The following KLHL1 variants were observed in gnomAD, a reference collection of about 807,000 sequenced individuals.
The protein encoded by KLHL1 is kelch like family member 1.
A neutral mutation model predicts 77.7 loss-of-function variants in KLHL1; 47 were observed. The observed-to-expected ratio is 0.60, with a 90% CI of 0.48 to 0.77. The LOEUF (loss-of-function observed/expected upper bound fraction) is 0.77. Among genes scored for constraint, KLHL1 ranks in the 30% least tolerant of loss-of-function variants. The probability of loss-of-function intolerance (pLI) is 0.00; values close to 1 mark genes in which losing one functional copy is unlikely to be tolerated. For synonymous variants in KLHL1, 360 were observed against 325.2 expected (o/e 1.11, Z -1.15); for missense variants, 925 against 910.8 (o/e 1.02, Z -0.20).
At chr13:69,710,439 A>G (rs1875822995) in intron 9 of KLHL1, among the ~76,000 whole-genome samples, 1 of 152,052 alleles carries the variant, frequency 6.6e-6, no homozygotes, top group African/African-American at 2.4e-5. Flanking sequence ...GGTAATGCTA[A>G]TAATATTTAA....
intron 7 of KLHL1, among the ~76,000 whole-genome samples, chr13:69,741,038 T>C (rs1346764151): frequency 1.3e-5 from 2 of 152,174 alleles, no homozygotes; most frequent in Admixed American, 1.3e-4. Flanking sequence ...CAATGTAATA[T>C]TACCAATCTG....
intron 1 of KLHL1, among the ~76,000 whole-genome samples, chr13:70,079,119 C>A (rs1271504026): frequency 6.6e-6 from 1 of 152,310 alleles, no homozygotes; most frequent in Non-Finnish European, 1.5e-5. Context: ...TACTTAACTG[C>A]AGTTAATACA....
At chr13:69,998,169 T>A (rs1885203627) in intron 1 of KLHL1, among the ~76,000 whole-genome samples, 1 of 152,096 alleles carries the variant, frequency 6.6e-6, no homozygotes, top group African/African-American at 2.4e-5. Flanking sequence ...GTCTACCACT[T>A]TTGCCTCAGT....
chr13:69,975,024 G>A (rs1483651602), intron 2 of KLHL1, among the ~76,000 whole-genome samples: 1 of 151,956 alleles, frequency 6.6e-6, no homozygotes, highest in Non-Finnish European at 1.5e-5. Flanking sequence ...CGTCCATATT[G>A]TAATATTTCT....
chr13:69,836,842 C>T (rs1879010582), intron 6 of KLHL1, among the ~76,000 whole-genome samples: 1 of 149,230 alleles, frequency 6.7e-6, no homozygotes, highest in Non-Finnish European at 1.5e-5. Context: ...CCAAACAATG[C>T]TCAAGAAACT....
intron 7 of KLHL1, among the ~76,000 whole-genome samples, chr13:69,779,840 T>G (rs866055714): frequency 6.6e-6 from 1 of 152,102 alleles, no homozygotes; most frequent in Non-Finnish European, 1.5e-5. Context: ...TGAGACGGAG[T>G]CTTGCTGTTG....
rs1366626349 is a variant in KLHL1 at position 69,839,031 on chromosome 13, G to C, written c.1359C>G (p.Pro453=). Residue 453 remains proline (P), a synonymous_variant, in exon 6 of 11, where the codon CCC becomes CCG. Coordinates refer to ENST00000377844, the MANE Select transcript of KLHL1 (RefSeq NM_020866.3). ...RTLMQSPRTK[P]RKSTVGTLYA... Reference sequence around the variant, plus strand: ...ACAAAGTTCCGACTGTAGATTTTCTGGGTTTAGTTCTCGGACTTTGCATTA... The same window carrying C: ...ACAAAGTTCCGACTGTAGATTTTCTCGGTTTAGTTCTCGGACTTTGCATTA... 3 of 1,610,340 alleles carry C rather than the reference G, an allele frequency of 1.9e-6. No individual in the cohort carries two copies. In the East Asian group the frequency reaches 6.7e-5, roughly 36 times the overall value.
intron 1 of KLHL1, among the ~76,000 whole-genome samples, chr13:70,046,479 T>C (rs1355697190): frequency 6.6e-6 from 1 of 152,048 alleles, no homozygotes; most frequent in Non-Finnish European, 1.5e-5. Flanking sequence ...TTTGTTTGTT[T>C]GTTTTGTTTC....
At chr13:70,006,226 T>G (rs1179559772) in intron 1 of KLHL1, among the ~76,000 whole-genome samples, 2 of 152,200 alleles carry the variant, frequency 1.3e-5, no homozygotes, top group East Asian at 3.9e-4. Flanking sequence ...AATATTCTGT[T>G]GTATGCATAT....
intron 7 of KLHL1, among the ~76,000 whole-genome samples, chr13:69,748,213 TTCTTGGGCCCAAA>T (rs1350363746): frequency 2.6e-5 from 4 of 152,048 alleles, no homozygotes; most frequent in Admixed American, 2.0e-4. Flanking sequence ...TTTAGGAGTC[TTCTTGGGCCCAAA>T]TCCCAATCCA....
chr13:70,039,589 TTTTA>T (rs1462644860), intron 1 of KLHL1, among the ~76,000 whole-genome samples: 1 of 152,000 alleles, frequency 6.6e-6, no homozygotes, highest in South Asian at 2.1e-4. Context: ...TTTCTCTGAT[TTTTA>T]TTTCTCTGTT....
chr13:69,947,742 A>T (rs541793295), intron 3 of KLHL1, among the ~76,000 whole-genome samples: 1 of 152,284 alleles, frequency 6.6e-6, no homozygotes, highest in South Asian at 2.1e-4. Flanking sequence ...CACAAATGGA[A>T]TATTAGCCAG....
rs574152207 is a variant in KLHL1, at chr13:69,912,472, C to A, written c.1014+27568G>T. 5.3e-5 allele frequency among the ~76,000 whole-genome samples: 8 copies of A among 152,312 alleles called. No homozygotes were observed. The South Asian group carries it at 1.2e-3, about 24-fold the overall frequency. ...ACAAACTCAATAGCCATTATTCAATCATAATTTTCATAACTTCTTTCAACA... is the reference window on the plus strand; with the variant it reads ...ACAAACTCAATAGCCATTATTCAATAATAATTTTCATAACTTCTTTCAACA... On this transcript the variant is annotated intron_variant, in intron 4 of 10. Transcript: ENST00000377844.
intron 6 of KLHL1, among the ~76,000 whole-genome samples, chr13:69,831,486 C>T (rs1265431537): frequency 1.3e-5 from 2 of 149,580 alleles, no homozygotes; most frequent in South Asian, 2.1e-4. Context: ...AAGTCCAGGA[C>T]CCAGTGGATT....
intron 7 of KLHL1, among the ~76,000 whole-genome samples, chr13:69,769,583 T>C (rs1260622184): frequency 6.6e-6 from 1 of 152,158 alleles, no homozygotes; most frequent in African/African-American, 2.4e-5. Context: ...AGATTGTATT[T>C]TTCTGAAAAA....
chr13:69,823,174 T>G (rs1159583997), intron 6 of KLHL1, among the ~76,000 whole-genome samples: 1 of 151,318 alleles, frequency 6.6e-6, no homozygotes, highest in Non-Finnish European at 1.5e-5. Flanking sequence ...GAATCAGCAT[T>G]TGGTTAAGTT....
At chr13:69,928,388 C>T (rs530438412) in intron 4 of KLHL1, among the ~76,000 whole-genome samples, 11 of 152,316 alleles carry the variant, frequency 7.2e-5, no homozygotes, top group African/African-American at 2.4e-4. Flanking sequence ...TCTCATATGT[C>T]AGCCGTATGA....
At chr13:70,074,349 T>G (rs1887210284) in intron 1 of KLHL1, among the ~76,000 whole-genome samples, 1 of 152,194 alleles carries the variant, frequency 6.6e-6, no homozygotes, top group South Asian at 2.1e-4. Flanking sequence ...TCTAAGGTGA[T>G]GCCATTTGGG....
intron 1 of KLHL1, among the ~76,000 whole-genome samples, chr13:70,084,670 T>A (rs1887488140): frequency 1.7e-5 from 2 of 119,846 alleles, no homozygotes; most frequent in South Asian, 5.9e-4. Context: ...AGAGACGGGG[T>A]TTCACTGTGT....
Sources: allele counts gnomAD v4.1 joint callset (sites outside exome capture counted in the v4.1 genomes callset), GRCh38; gene constraint gnomAD v4.1.1; transcripts MANE v1.5; gene names NCBI Gene and HGNC (gene_info 2026-07-23, HGNC 2026-07-21).